ITGA9: variants seen among roughly 807,000 people sequenced by gnomAD.
ITGA9 encodes the protein integrin alpha-9.
In ITGA9, 56 loss-of-function variants were observed where a neutral mutation model predicts 127.8. That is an observed-to-expected ratio of 0.44 (90% CI 0.35 to 0.55). ITGA9 has a LOEUF of 0.55. ITGA9 is among the 20% of genes least tolerant of loss of function. The pLI, the probability that ITGA9 is intolerant of heterozygous loss-of-function variation, is 0.00. For missense variants in ITGA9, 1,196 were observed against 1,347.1 expected, an observed-to-expected ratio of 0.89 and a Z score of 1.76; for synonymous variants, 508 against 514.5, an observed-to-expected ratio of 0.99 and a Z score of 0.17.
At chr3:37,712,128 G>T (rs1043050902) in intron 18 of ITGA9, among the ~76,000 whole-genome samples, 4 of 151,630 alleles carry the variant, frequency 2.6e-5, no homozygotes, top group Non-Finnish European at 5.9e-5. Flanking sequence ...CTCCTATGCG[G>T]CAGGAGCTGT....
chr3:37,679,662 C>T (rs1700716683), intron 17 of ITGA9, among the ~76,000 whole-genome samples: 1 of 152,176 alleles, frequency 6.6e-6, no homozygotes, highest in Non-Finnish European at 1.5e-5. Flanking sequence ...AGACCAACCT[C>T]TCTGACAGTC....
At position 37,819,307 on chromosome 3, in the gene ITGA9, T is replaced by C. The variant is rs1389184669; in HGVS notation, c.*318T>C. The C allele has an allele frequency of 5.1e-6, 2 of 388,352 alleles. No individual in the cohort carries two copies. The highest frequency in any genetic ancestry group is 9.5e-6 in the Non-Finnish European group (2 of 210,514). The allele number at this position is 388,352 out of a possible 1,614,324, so 24.1% of individuals were successfully genotyped here. On this transcript the variant is annotated 3_prime_UTR_variant, in exon 28 of 28. Coordinates refer to ENST00000264741, the MANE Select transcript of ITGA9 (RefSeq NM_002207.3). ...CTGTTACCTAAAGTATTTTTATAAATATAAGCCTTTTATACTGATTATGTC... is the reference window on the plus strand; with the variant it reads ...CTGTTACCTAAAGTATTTTTATAAACATAAGCCTTTTATACTGATTATGTC...
At chr3:37,487,092 G>GTTTTA (rs1698617669) in intron 4 of ITGA9, among the ~76,000 whole-genome samples, 1 of 151,636 alleles carries the variant, frequency 6.6e-6, no homozygotes, top group Non-Finnish European at 1.5e-5. Flanking sequence ...TTTTTGTTTT[G>GTTTTA]TTTTTGTTTT....
chr3:37,594,105 A>G (rs1048478044), intron 15 of ITGA9, among the ~76,000 whole-genome samples: 3 of 152,228 alleles, frequency 2.0e-5, no homozygotes, highest in East Asian at 1.9e-4. Context: ...CAAGGTTGCC[A>G]GGGAGCCTGG....
intron 14 of ITGA9, among the ~76,000 whole-genome samples, chr3:37,540,536 G>GCAAGAA (rs1199845837): frequency 1.3e-5 from 2 of 152,208 alleles, no homozygotes; most frequent in Non-Finnish European, 2.9e-5. Context: ...ACAACATGCA[G>GCAAGAA]CAAGAACAAG....
In ITGA9 at chr3:37,484,914, A is replaced by G. The variant is rs917028099; in HGVS notation, c.544+3307A>G. 2.6e-5 allele frequency among the ~76,000 whole-genome samples: 4 copies of G among 152,230 alleles called. No individual in the cohort carries two copies. The East Asian group carries it at 7.7e-4, about 29-fold the overall frequency. The stretch of plus-strand genomic sequence containing the variant: ...CTAAGCATATATATACTAATATGCC[A>G]TGTACAACATACTGTATTCTGAGCA... On this transcript the variant is annotated intron_variant, in intron 4 of 27. Coordinates refer to ENST00000264741, the MANE Select transcript of ITGA9 (RefSeq NM_002207.3).
intron 15 of ITGA9, among the ~76,000 whole-genome samples, chr3:37,565,734 C>T (rs1699540110): frequency 6.6e-6 from 1 of 152,178 alleles, no homozygotes; most frequent in African/African-American, 2.4e-5. Flanking sequence ...GATTGCTAGG[C>T]TCACTCCTTA....
chr3:37,589,643 C>A (rs1217266952), intron 15 of ITGA9, among the ~76,000 whole-genome samples: 1 of 152,044 alleles, frequency 6.6e-6, no homozygotes, highest in Non-Finnish European at 1.5e-5. Flanking sequence ...GGGGAGAGAA[C>A]CATGTGGAGG....
intron 18 of ITGA9, among the ~76,000 whole-genome samples, chr3:37,696,326 C>T (rs760908993): frequency 6.6e-5 from 10 of 152,208 alleles, no homozygotes; most frequent in Non-Finnish European, 1.3e-4. Flanking sequence ...GGAAGGACTG[C>T]CCAGTGAGTC....
chr3:37,476,325 T>G (rs1028408966), intron 3 of ITGA9, among the ~76,000 whole-genome samples: 6 of 152,214 alleles, frequency 3.9e-5, no homozygotes, highest in African/African-American at 1.4e-4. Context: ...AGGGTTTCAA[T>G]GGCTCCACGT....
At chr3:37,687,146 A>G (rs1171012362) in intron 18 of ITGA9, among the ~76,000 whole-genome samples, 2 of 152,256 alleles carry the variant, frequency 1.3e-5, no homozygotes, top group Non-Finnish European at 2.9e-5. Context: ...ACAAAGTGGA[A>G]GATCAGACAG....
At chr3:37,689,684 G>A (rs758448874) in intron 18 of ITGA9, among the ~76,000 whole-genome samples, 8 of 152,212 alleles carry the variant, frequency 5.3e-5, no homozygotes, top group African/African-American at 1.9e-4. Context: ...CCATGTAAAC[G>A]ACACCTCCAC....
At chr3:37,573,490 C>T (rs1699622183) in intron 15 of ITGA9, among the ~76,000 whole-genome samples, 1 of 152,164 alleles carries the variant, frequency 6.6e-6, no homozygotes, top group Non-Finnish European at 1.5e-5. Context: ...ACCACAGGAG[C>T]TAGAGTCCCC....
chr3:37,528,921 CT>C (rs1450175895), intron 13 of ITGA9, among the ~76,000 whole-genome samples: 1 of 152,204 alleles, frequency 6.6e-6, no homozygotes, highest in Non-Finnish European at 1.5e-5. Context: ...GGTCATACCC[CT>C]CTCCTGATAG....
chr3:37,801,575 G>T (rs924075526), intron 26 of ITGA9, among the ~76,000 whole-genome samples: 1 of 152,174 alleles, frequency 6.6e-6, no homozygotes, highest in African/African-American at 2.4e-5. Context: ...TGCAGAGGTT[G>T]CAGTGAGCTG....
intron 26 of ITGA9, among the ~76,000 whole-genome samples, chr3:37,797,940 C>T (rs141967296): frequency 0.035 from 5,258 of 152,230 alleles, 114 homozygotes; most frequent in Middle Eastern, 0.054. Flanking sequence ...CCGCCTTGGT[C>T]TCCCAAAGTG....
chr3:37,809,206 C>T (rs1189494677), intron 27 of ITGA9, among the ~76,000 whole-genome samples: 3 of 151,350 alleles, frequency 2.0e-5, no homozygotes, highest in African/African-American at 7.3e-5. Flanking sequence ...CTACCTCAGT[C>T]TCCTGAGTAG....
chr3:37,616,712 T>G (rs9868615), intron 15 of ITGA9, among the ~76,000 whole-genome samples: 3,177 of 152,312 alleles, frequency 0.021, 92 homozygotes, highest in African/African-American at 0.071. Context: ...CCTTTACCAT[T>G]ATGTAATGGC....
intron 18 of ITGA9, among the ~76,000 whole-genome samples, chr3:37,730,449 C>T (rs1347871038): frequency 6.6e-6 from 1 of 152,096 alleles, no homozygotes; most frequent in African/African-American, 2.4e-5. Flanking sequence ...GTTCTTGAGA[C>T]AGCATTTGAG....
Sources: gnomAD v4.1 joint callset for allele counts (sites outside exome capture counted in the v4.1 genomes callset) on GRCh38, gnomAD v4.1.1 for gene constraint, MANE v1.5 for transcripts, NCBI Gene and HGNC (gene_info 2026-07-23, HGNC 2026-07-21) for gene names.